Variants in NDNF observed in about 807,000 individuals in gnomAD.
The protein encoded by NDNF is neuron derived neurotrophic factor.
A neutral mutation model predicts 42.0 loss-of-function variants in NDNF; 16 were observed. That is an observed-to-expected ratio of 0.38 (90% CI 0.26 to 0.58). The LOEUF (loss-of-function observed/expected upper bound fraction) is 0.58, where lower values mean the gene tolerates loss of function less well. Among genes scored for constraint, NDNF ranks in the 20% least tolerant of loss-of-function variants. NDNF has a pLI of 0.67. For synonymous variants in NDNF, 248 were observed against 251.7 expected, an observed-to-expected ratio of 0.99 and a Z score of 0.14; for missense variants, 616 against 666.2, an observed-to-expected ratio of 0.92 and a Z score of 0.83.
chr4:121,040,091 C>G (rs760323173), intron 2 of NDNF, 37 bp from the exon 3 acceptor site: 2 of 1,585,682 alleles, frequency 1.3e-6, no homozygotes, highest in Non-Finnish European at 1.7e-6. Context: ...CGTGGTAATT[C>G]TTTCTAACAT....
At chr4:121,055,719 T>C (rs1410583526) in intron 1 of NDNF, among the ~76,000 whole-genome samples, 3 of 152,112 alleles carry the variant, frequency 2.0e-5, no homozygotes, top group Admixed American at 6.6e-5. Context: ...ATAAAAAGAC[T>C]GATTTCAATT....
At position 121,036,072 on chromosome 4, in the gene NDNF, TG is replaced by T; in HGVS notation, c.*191del. ...GGCATCAGACACACACTAGGTACCATGGGGCACGCTAGAACAAGTCTCCTTC... is the reference window on the plus strand; with the variant it reads ...GGCATCAGACACACACTAGGTACCATGGGCACGCTAGAACAAGTCTCCTTC... On this transcript the variant is annotated 3_prime_UTR_variant, in exon 4 of 4. Coordinates refer to ENST00000379692, the MANE Select transcript of NDNF (RefSeq NM_024574.4). The T allele has an allele frequency of 1.8e-6, 1 of 553,154 alleles. No individual in the cohort carries two copies. The highest frequency in any genetic ancestry group is 3.6e-5 in the Admixed American group (1 of 27,610). 34.3% of individuals were successfully genotyped at this position (553,154 alleles called of 1,614,324 possible).
chr4:121,050,820 A>T (rs1326071860), intron 1 of NDNF, among the ~76,000 whole-genome samples: 2 of 152,194 alleles, frequency 1.3e-5, no homozygotes, highest in Non-Finnish European at 2.9e-5. Context: ...TGACCTAATG[A>T]TTTGATACAA....
chr4:121,036,880 C>G lies in NDNF; in HGVS notation c.1091G>C (p.Arg364Pro). ...FVKRKGAKFL[R>P]FAPVSSHQKV... ...TTGGTGAGAAGAGACTGGAGCAAAC[C>G]GTAGAAACTTTGCTCCCTTCCTTTT... Residue 364 changes from arginine to proline, a missense_variant, in exon 4 of 4, where the codon CGG becomes CCG. Physicochemically the swap from Arg to Pro is moderately radical, Grantham distance 103. Coordinates refer to ENST00000379692, the MANE Select transcript of NDNF (RefSeq NM_024574.4). 6.2e-7 allele frequency: 1 copy of G among 1,613,958 alleles called. No individual in the cohort carries two copies. The highest frequency in any genetic ancestry group is 8.5e-7 in the Non-Finnish European group (1 of 1,180,008).
chr4:121,039,157 G>GTATATATATATTTA (rs1579308492), intron 3 of NDNF, among the ~76,000 whole-genome samples: 1 of 6,454 alleles, frequency 1.5e-4, no homozygotes, highest in Non-Finnish European at 5.5e-4. Flanking sequence ...ATATATATAT[G>GTATATATATATTTA]TATATATATA....
chr4:121,050,900 A>G (rs11098599), intron 1 of NDNF, among the ~76,000 whole-genome samples: 81,550 of 151,916 alleles, frequency 0.54, 22,949 homozygotes, highest in East Asian at 0.64. Flanking sequence ...CCTACAGGGG[A>G]AATAAAATTG....
chr4:121,054,302 G>A (rs1377992584), intron 1 of NDNF, among the ~76,000 whole-genome samples: 1 of 152,132 alleles, frequency 6.6e-6, no homozygotes, highest in Non-Finnish European at 1.5e-5. Flanking sequence ...AGCCAACAGA[G>A]TCCAATGTCA....
At chr4:121,038,545 A>G (rs1437849002) in intron 3 of NDNF, among the ~76,000 whole-genome samples, 1 of 152,136 alleles carries the variant, frequency 6.6e-6, no homozygotes, top group Non-Finnish European at 1.5e-5. Flanking sequence ...ATCAGTGTAT[A>G]GCTTAGTCTC....
At chr4:121,047,919 G>C (rs1322934479) in intron 1 of NDNF, among the ~76,000 whole-genome samples, 1 of 152,200 alleles carries the variant, frequency 6.6e-6, no homozygotes, top group East Asian at 1.9e-4. Context: ...GTAGACAAGG[G>C]CTATGTCTGC....
intron 2 of NDNF, among the ~76,000 whole-genome samples, 184 bp from the exon 3 acceptor site, chr4:121,040,238 A>G (rs1444794916): frequency 6.6e-6 from 1 of 152,206 alleles, no homozygotes; most frequent in Non-Finnish European, 1.5e-5. Context: ...GACACAAAAC[A>G]TGATACAGCA....
intron 1 of NDNF, among the ~76,000 whole-genome samples, chr4:121,068,327 A>G (rs1727534758): frequency 6.6e-6 from 1 of 152,212 alleles, no homozygotes; most frequent in Non-Finnish European, 1.5e-5. Flanking sequence ...TTTAAAATAG[A>G]GTATTTAAAT....
At chr4:121,066,986 A>G (rs1727509985) in intron 1 of NDNF, among the ~76,000 whole-genome samples, 1 of 152,236 alleles carries the variant, frequency 6.6e-6, no homozygotes, top group South Asian at 2.1e-4. Context: ...TATTTGTGAT[A>G]TTAGCTGAAA....
In NDNF at chr4:121,045,858, T is replaced by C. The variant is rs768128332; in HGVS notation, c.-1-20A>G. 10 of 1,607,606 alleles carry C rather than the reference T, an allele frequency of 6.2e-6. No homozygotes were observed. Among genetic ancestry groups the C allele is most frequent in the South Asian group, 1.1e-5 (1 of 90,604 alleles). ...ACCATCCTGAGGCAACAGAAATGAC[T>C]ACTTTATTAGTTCTGCAGGCAGACA... On this transcript the variant is annotated intron_variant, in intron 1 of 3. Coordinates refer to ENST00000379692, the MANE Select transcript of NDNF (RefSeq NM_024574.4).
chr4:121,069,855 A>G (rs1015165797), intron 1 of NDNF, among the ~76,000 whole-genome samples: 2 of 152,160 alleles, frequency 1.3e-5, no homozygotes, highest in African/African-American at 4.8e-5. Context: ...AACTCATAAG[A>G]GTCACTTCTG....
At chr4:121,039,186 GTGTGTGTATATATATATATATATATATA>G (rs1315817462) in intron 3 of NDNF, among the ~76,000 whole-genome samples, 8 of 16,392 alleles carry the variant, frequency 4.9e-4, no homozygotes, top group African/African-American at 8.5e-4. Context: ...CTATGTGTGT[GTGTGTGTATATATATATATATATATATA>G]TATATATATA....
At chr4:121,039,167 A>ACGTATATATATATG (rs1553924236) in intron 3 of NDNF, among the ~76,000 whole-genome samples, 4 of 85,396 alleles carry the variant, frequency 4.7e-5, no homozygotes, top group Non-Finnish European at 9.3e-5. Context: ...GTATATATAT[A>ACGTATATATATATG]TATAAAGACT....
intron 1 of NDNF, among the ~76,000 whole-genome samples, chr4:121,055,067 C>T (rs536089511): frequency 2.1e-4 from 32 of 152,050 alleles, no homozygotes; most frequent in South Asian, 1.5e-3. Flanking sequence ...CCCCTGGGCT[C>T]GGGTGATCCT....
rs1726859557 is a variant in NDNF at position 121,036,139 on chromosome 4, T to A, written c.*125A>T. The A allele has an allele frequency of 2.6e-6, 2 of 779,702 alleles. No homozygotes were observed. Among genetic ancestry groups the A allele is most frequent in the Admixed American group, 2.4e-5 (1 of 41,074 alleles). 48.3% of individuals were successfully genotyped at this position (779,702 alleles called of 1,614,324 possible). A position where few individuals can be genotyped will look rare whatever the true frequency, so the allele number is the denominator to read the frequency against. On this transcript the variant is annotated 3_prime_UTR_variant, in exon 4 of 4. Transcript: ENST00000379692. ...AAACATCAATATACACACGTTGATA[T>A]CCTTCCTTCCATAGTACAAGTACAG... is the stretch of plus-strand genomic sequence containing the variant.
intron 1 of NDNF, among the ~76,000 whole-genome samples, chr4:121,065,999 TA>T (rs1368016092): frequency 6.6e-6 from 1 of 152,070 alleles, no homozygotes. Flanking sequence ...AAAAAAAGCA[TA>T]TTTTTTCAGG....
Sources: gnomAD v4.1 joint callset for allele counts (sites outside exome capture counted in the v4.1 genomes callset) on GRCh38, gnomAD v4.1.1 for gene constraint, MANE v1.5 for transcripts, NCBI Gene and HGNC (gene_info 2026-07-23, HGNC 2026-07-21) for gene names.